USP13: variants seen among roughly 807,000 people sequenced by gnomAD.
USP13 encodes ubiquitin specific peptidase 13.
Under a neutral mutation model 107.8 loss-of-function variants are expected in USP13, and 68 were observed. That is an observed-to-expected ratio of 0.63 (90% CI 0.52 to 0.77). USP13 has a LOEUF of 0.77. Among genes scored for constraint, USP13 ranks in the 30% least tolerant of loss-of-function variants. The probability of loss-of-function intolerance (pLI) is 0.00; values close to 1 mark genes in which losing one functional copy is unlikely to be tolerated. For synonymous variants in USP13, 377 were observed against 389.5 expected (o/e 0.97, Z 0.38); for missense variants, 945 against 1,093.3 (o/e 0.86, Z 1.91).
At chr3:179,759,682 AT>A (rs895840018) in intron 16 of USP13, among the ~76,000 whole-genome samples, 12 of 149,396 alleles carry the variant, frequency 8.0e-5, no homozygotes, top group African/African-American at 1.7e-4. Context: ...TGGTAAATGC[AT>A]TTTTTTTTTG....
At chr3:179,709,012 AC>A (rs758303177) in intron 6 of USP13, 55 bp downstream of exon 6, 5 of 1,566,780 alleles carry the variant, frequency 3.2e-6, no homozygotes, top group African/African-American at 1.4e-5. Flanking sequence ...CTTAGATTTA[AC>A]CAATCCCTGA....
At chr3:179,749,635 TA>T (rs768936670) in intron 13 of USP13, among the ~76,000 whole-genome samples, 21 of 152,180 alleles carry the variant, frequency 1.4e-4, no homozygotes, top group Non-Finnish European at 3.1e-4. Context: ...CAAAGATGAA[TA>T]AAGAATGTTT....
intron 16 of USP13, among the ~76,000 whole-genome samples, chr3:179,759,156 T>C (rs1351375522): frequency 6.6e-6 from 1 of 151,960 alleles, no homozygotes; most frequent in Non-Finnish European, 1.5e-5. Flanking sequence ...TAATTTTTTG[T>C]ATTTTTAGTA....
intron 6 of USP13, among the ~76,000 whole-genome samples, chr3:179,718,217 T>C (rs780598921): frequency 6.6e-6 from 1 of 152,154 alleles, no homozygotes; most frequent in Non-Finnish European, 1.5e-5. Flanking sequence ...TTAGGTTGGT[T>C]CTTCACCAAG....
intron 13 of USP13, among the ~76,000 whole-genome samples, chr3:179,749,921 T>C (rs1714535701): frequency 6.6e-6 from 1 of 152,172 alleles, no homozygotes; most frequent in South Asian, 2.1e-4. Context: ...TTTTCCAGAT[T>C]TTAAGCTAAT....
At chr3:179,695,580 T>A (rs1712295132) in intron 3 of USP13, among the ~76,000 whole-genome samples, 1 of 152,150 alleles carries the variant, frequency 6.6e-6, no homozygotes, top group Admixed American at 6.5e-5. Context: ...AATTGAAAAA[T>A]CATTTAAATT....
intron 10 of USP13, among the ~76,000 whole-genome samples, chr3:179,734,688 T>C (rs745419875): frequency 6.6e-6 from 1 of 152,218 alleles, no homozygotes; most frequent in Non-Finnish European, 1.5e-5. Context: ...GCCCCTGTCC[T>C]CTTAGCTTAG....
At chr3:179,783,922 G>T (rs545388203) in intron 20 of USP13, 126 bp from the exon 21 acceptor site, 3 of 595,510 alleles carry the variant, frequency 5.0e-6, no homozygotes, top group Non-Finnish European at 8.4e-6. Flanking sequence ...TTTATACAAC[G>T]AACTTGAGTA....
chr3:179,665,477 G>A (rs1394692810), intron 1 of USP13, among the ~76,000 whole-genome samples: 1 of 152,198 alleles, frequency 6.6e-6, no homozygotes, highest in African/African-American at 2.4e-5. Context: ...GAGTCAGAGA[G>A]GTTAGGTAAT....
intron 4 of USP13, among the ~76,000 whole-genome samples, chr3:179,702,950 C>G (rs932042465): frequency 2.0e-5 from 3 of 152,064 alleles, no homozygotes; most frequent in Admixed American, 2.0e-4. Flanking sequence ...AAATTATTTT[C>G]CTTTCAGCCC....
At chr3:179,722,386 A>C (rs1433150313) in intron 8 of USP13, among the ~76,000 whole-genome samples, 1 of 152,160 alleles carries the variant, frequency 6.6e-6, no homozygotes, top group African/African-American at 2.4e-5. Flanking sequence ...ATAAGTTTGG[A>C]AATCGAGAGT....
At chr3:179,780,557 C>T (rs1485492294) in intron 19 of USP13, among the ~76,000 whole-genome samples, 3 of 152,054 alleles carry the variant, frequency 2.0e-5, no homozygotes. Flanking sequence ...AAGGTTTGAA[C>T]CCCAGATCAC....
chr3:179,766,269 T>C (rs13323280), intron 19 of USP13, among the ~76,000 whole-genome samples: 7,283 of 152,006 alleles, frequency 0.048, 590 homozygotes, highest in African/African-American at 0.17. Flanking sequence ...TGAGCCACCA[T>C]GCCTGGCCAG....
intron 2 of USP13, among the ~76,000 whole-genome samples, chr3:179,684,312 C>CACAT (rs1711787068): frequency 7.1e-6 from 1 of 141,672 alleles, no homozygotes; most frequent in Admixed American, 7.1e-5. Context: ...CACACACACA[C>CACAT]ATTTTGTTTG....
chr3:179,692,081 C>G (rs1366465371), intron 3 of USP13, among the ~76,000 whole-genome samples: 1 of 152,160 alleles, frequency 6.6e-6, no homozygotes, highest in Non-Finnish European at 1.5e-5. Flanking sequence ...GAATGTATAT[C>G]TGTGTGTGTG....
At chr3:179,776,858 G>GTTTTTTTT (rs71628094) in intron 19 of USP13, among the ~76,000 whole-genome samples, 1 of 78,284 alleles carries the variant, frequency 1.3e-5, no homozygotes, top group Non-Finnish European at 2.4e-5. Context: ...TAGAGTGCTG[G>GTTTTTTTT]TTTTTTTTTT....
At chr3:179,723,472 A>G (rs1205034677) in intron 8 of USP13, among the ~76,000 whole-genome samples, 3 of 152,188 alleles carry the variant, frequency 2.0e-5, no homozygotes, top group Non-Finnish European at 2.9e-5. Flanking sequence ...ATGCTTATAA[A>G]CATGGTACAT....
At chr3:179,744,268 T>C (rs1180354918) in intron 12 of USP13, among the ~76,000 whole-genome samples, 1 of 152,082 alleles carries the variant, frequency 6.6e-6, no homozygotes, top group Non-Finnish European at 1.5e-5. Context: ...CCTCTAATCA[T>C]AGTTGCTGGT....
chr3:179,724,529 A>C (rs1713446358), intron 8 of USP13, among the ~76,000 whole-genome samples: 2 of 151,974 alleles, frequency 1.3e-5, no homozygotes, highest in South Asian at 4.1e-4. Context: ...AAGAAAAATG[A>C]CTCAGAAAGA....
Sources: gnomAD v4.1 joint callset for allele counts (sites outside exome capture counted in the v4.1 genomes callset) on GRCh38, gnomAD v4.1.1 for gene constraint, MANE v1.5 for transcripts, NCBI Gene and HGNC (gene_info 2026-07-23, HGNC 2026-07-21) for gene names.